Variants in HS1BP3 observed in about 807,000 individuals in gnomAD.
The protein encoded by HS1BP3 is HCLS1 binding protein 3.
Under a neutral mutation model 33.5 loss-of-function variants are expected in HS1BP3, and 32 were observed. That is an observed-to-expected ratio of 0.95 (90% CI 0.72 to 1.28). HS1BP3 has a LOEUF of 1.28. HS1BP3 is among the 50% of genes most tolerant of loss of function. The probability of loss-of-function intolerance (pLI) is 0.00; values close to 1 mark genes in which losing one functional copy is unlikely to be tolerated. For missense variants in HS1BP3, 486 were observed against 502.3 expected (o/e 0.97, Z 0.31); for synonymous variants, 187 against 209.2 (o/e 0.89, Z 0.92).
chr2:20,627,878 C>G (rs1242412584), intron 4 of HS1BP3, among the ~76,000 whole-genome samples: 2 of 152,162 alleles, frequency 1.3e-5, no homozygotes, highest in African/African-American at 4.8e-5. Context: ...TAACAGATGC[C>G]TTGATAAACT....
intron 4 of HS1BP3, among the ~76,000 whole-genome samples, chr2:20,634,230 C>T (rs556049237): frequency 6.6e-6 from 1 of 152,278 alleles, no homozygotes; most frequent in Non-Finnish European, 1.5e-5. Context: ...CTCTCCACAC[C>T]TGTTTCCTTT....
intron 2 of HS1BP3, among the ~76,000 whole-genome samples, 197 bp downstream of exon 2, chr2:20,645,143 G>A (rs140686453): frequency 8.4e-4 from 128 of 152,300 alleles, no homozygotes; most frequent in Admixed American, 2.0e-3. Flanking sequence ...TTAGAGGTCT[G>A]CCTCTCCACG....
intron 5 of HS1BP3, among the ~76,000 whole-genome samples, chr2:20,562,325 C>A (rs1232805347): frequency 6.6e-6 from 1 of 151,894 alleles, no homozygotes; most frequent in African/African-American, 2.4e-5. Context: ...CTAAAATAAA[C>A]AAAATTAGCC....
At chr2:20,622,097 T>A in intron 6 of HS1BP3, 1 of 914,762 alleles carries the variant, frequency 1.1e-6, no homozygotes, top group South Asian at 1.7e-5. Context: ...CTTCTTAGCC[T>A]CGACCCGCTC....
intron 5 of HS1BP3, among the ~76,000 whole-genome samples, chr2:20,582,788 T>C (rs2149276233): frequency 6.6e-6 from 1 of 152,238 alleles, no homozygotes; most frequent in South Asian, 2.1e-4. Context: ...CTCATCCTGC[T>C]CCAGGGAAGG....
chr2:20,629,185 C>T (rs1293305301), intron 4 of HS1BP3, among the ~76,000 whole-genome samples: 1 of 152,178 alleles, frequency 6.6e-6, no homozygotes, highest in Non-Finnish European at 1.5e-5. Context: ...CACTCAGTCT[C>T]TGAGCCATTT....
At chr2:20,613,051 G>C (rs987274414), downstream of HS1BP3, among the ~76,000 whole-genome samples, 6 of 152,160 alleles carry the variant, frequency 3.9e-5, no homozygotes, top group Non-Finnish European at 8.8e-5. Context: ...TCTGGGGATG[G>C]GGGGGACTGA....
chr2:20,642,495 C>T (rs955322469), intron 2 of HS1BP3, among the ~76,000 whole-genome samples: 27 of 152,344 alleles, frequency 1.8e-4, no homozygotes, highest in African/African-American at 6.5e-4. Context: ...CTTCCCAGAG[C>T]GATTGCTAAC....
At chr2:20,624,382 A>G (rs898097518) in intron 5 of HS1BP3, among the ~76,000 whole-genome samples, 4 of 152,152 alleles carry the variant, frequency 2.6e-5, no homozygotes, top group African/African-American at 9.7e-5. Flanking sequence ...AAAGGGACCA[A>G]GGGATGAGTG....
chr2:20,556,520 G>T (rs763843791), downstream of HS1BP3, among the ~76,000 whole-genome samples: 1 of 152,112 alleles, frequency 6.6e-6, no homozygotes, highest in Non-Finnish European at 1.5e-5. Context: ...CAAGGTTACC[G>T]CATTTCTAAG....
At chr2:20,610,826 G>A (rs4666438) in intron 2 of HS1BP3, among the ~76,000 whole-genome samples, 44,056 of 152,118 alleles carry the variant, frequency 0.29, 6,916 homozygotes, top group East Asian at 0.58. Flanking sequence ...TATAATTCGC[G>A]TATAATCAAA....
In HS1BP3 at chr2:20,631,892, C is replaced by T. The variant is rs558722177; in HGVS notation, c.623+6544G>A. Among the ~76,000 whole-genome samples, 4 of 152,332 alleles carry T rather than the reference C, an allele frequency of 2.6e-5. No individual in the cohort carries two copies. The East Asian group carries it at 7.7e-4, about 29-fold the overall frequency. On this transcript the variant is annotated intron_variant, in intron 4 of 6. Transcript: ENST00000304031. ...ACACAAAGGGACAATGGCCAGGCCACATGTAAAGGTGGAACTCTGACCCAC... is the reference window on the plus strand; with the variant it reads ...ACACAAAGGGACAATGGCCAGGCCATATGTAAAGGTGGAACTCTGACCCAC...
chr2:20,575,271 AT>A (rs1371388754), intron 5 of HS1BP3, among the ~76,000 whole-genome samples: 1 of 152,164 alleles, frequency 6.6e-6, no homozygotes. Flanking sequence ...CTGGTGGGAC[AT>A]TTACCTGAAT....
chr2:20,650,893 A>G (rs1572371032), intron 1 of HS1BP3, 139 bp downstream of exon 1: 6 of 706,746 alleles, frequency 8.5e-6, no homozygotes. Context: ...GCAGGGGCCC[A>G]GCCCGGATAA....
intron 2 of HS1BP3, among the ~76,000 whole-genome samples, chr2:20,609,160 A>G (rs2149285477): frequency 6.6e-6 from 1 of 152,268 alleles, no homozygotes; most frequent in East Asian, 1.9e-4. Context: ...CTGCAGGATG[A>G]GCACCGTCCT....
At chr2:20,626,660 G>A (rs1186962412) in intron 4 of HS1BP3, among the ~76,000 whole-genome samples, 1 of 152,186 alleles carries the variant, frequency 6.6e-6, no homozygotes, top group African/African-American at 2.4e-5. Context: ...CTCCAAGAAG[G>A]CCCATCTGCC....
chr2:20,571,314 G>A (rs942805104), intron 5 of HS1BP3, among the ~76,000 whole-genome samples: 2 of 152,082 alleles, frequency 1.3e-5, no homozygotes, highest in East Asian at 1.9e-4. Context: ...TCTAGGCTGG[G>A]GACCCAGCCC....
downstream of HS1BP3, among the ~76,000 whole-genome samples, chr2:20,613,271 A>G (rs1041112239): frequency 6.6e-6 from 1 of 152,252 alleles, no homozygotes; most frequent in African/African-American, 2.4e-5. Context: ...GAAGAAAACC[A>G]GCTTGAGAAG....
At chr2:20,642,161 C>T (rs139747513) in intron 2 of HS1BP3, among the ~76,000 whole-genome samples, 1 of 152,364 alleles carries the variant, frequency 6.6e-6, no homozygotes, top group African/African-American at 2.4e-5. Flanking sequence ...AAGTGTGGGT[C>T]ACTCACTCTT....
Sources: allele counts gnomAD v4.1 joint callset (sites outside exome capture counted in the v4.1 genomes callset), GRCh38; gene constraint gnomAD v4.1.1; transcripts MANE v1.5; gene names NCBI Gene and HGNC (gene_info 2026-07-23, HGNC 2026-07-21).